PRKAR1B: variants seen among roughly 807,000 people sequenced by gnomAD.
PRKAR1B encodes the protein cAMP-dependent protein kinase type I-beta regulatory subunit.
In PRKAR1B, 22 loss-of-function variants were observed where a neutral mutation model predicts 46.5. That is an observed-to-expected ratio of 0.47 (90% CI 0.34 to 0.68). PRKAR1B has a LOEUF of 0.68. Ranked by LOEUF, PRKAR1B falls within the 30% of genes least tolerant of loss-of-function variation. The probability of loss-of-function intolerance (pLI) is 0.01; values close to 1 mark genes in which losing one functional copy is unlikely to be tolerated. For missense variants in PRKAR1B, 445 were observed against 535.6 expected, an observed-to-expected ratio of 0.83 and a Z score of 1.67; for synonymous variants, 259 against 217.7, an observed-to-expected ratio of 1.19 and a Z score of -1.67.
chr7:701,438 G>A (rs141900841), intron 2 of PRKAR1B, among the ~76,000 whole-genome samples: 130 of 152,138 alleles, frequency 8.5e-4, no homozygotes, highest in African/African-American at 3.0e-3. Flanking sequence ...CTGAAAGACA[G>A]GAAAAAGAGA....
chr7:573,830 C>T (rs560651656), intron 9 of PRKAR1B, among the ~76,000 whole-genome samples: 108 of 152,246 alleles, frequency 7.1e-4, no homozygotes, highest in African/African-American at 2.5e-3. Context: ...CTCCCAGCTG[C>T]GGGAGGCAGC....
intron 4 of PRKAR1B, among the ~76,000 whole-genome samples, chr7:614,419 TACTGCCCC>T (rs1446678452): frequency 6.6e-6 from 1 of 152,104 alleles, no homozygotes; most frequent in East Asian, 1.9e-4. Flanking sequence ...CAGGCCCCAT[TACTGCCCC>T]ACTTCACAGA....
chr7:623,153 G>T (rs959080986), intron 4 of PRKAR1B, among the ~76,000 whole-genome samples: 1 of 152,212 alleles, frequency 6.6e-6, no homozygotes, highest in Non-Finnish European at 1.5e-5. Context: ...GTGAAGGCTT[G>T]TTCCGTGACT....
intron 9 of PRKAR1B, among the ~76,000 whole-genome samples, chr7:562,513 C>A (rs142503121): frequency 1.3e-5 from 2 of 152,298 alleles, no homozygotes; most frequent in South Asian, 4.1e-4. Context: ...AGGATTCTGC[C>A]CCCTGCAGAG....
rs568467996 is a variant in PRKAR1B, at chr7:583,707, C to T, written c.769+801G>A. ...CACGGTGCACTCACACCCTCACACA[C>T]GTGCAATTCACACGCATTCTACACA... On this transcript the variant is annotated intron_variant, in intron 8 of 10. Transcript: ENST00000537384. 2.6e-5 allele frequency among the ~76,000 whole-genome samples: 4 copies of T among 150,944 alleles called. No homozygotes were observed. The East Asian group carries it at 5.9e-4, about 22-fold the overall frequency.
intron 2 of PRKAR1B, among the ~76,000 whole-genome samples, chr7:692,085 C>G (rs987907441): frequency 6.6e-6 from 1 of 152,230 alleles, no homozygotes; most frequent in Non-Finnish European, 1.5e-5. Flanking sequence ...TGCTCCTACA[C>G]AAACCAGGAG....
At chr7:632,921 G>A (rs890749949) in intron 4 of PRKAR1B, among the ~76,000 whole-genome samples, 4 of 152,220 alleles carry the variant, frequency 2.6e-5, no homozygotes, top group Non-Finnish European at 4.4e-5. Flanking sequence ...CACAGTGCCT[G>A]TCCGGGAAGC....
chr7:551,779 G>C (rs1291551295), intron 9 of PRKAR1B, among the ~76,000 whole-genome samples: 2 of 105,760 alleles, frequency 1.9e-5, no homozygotes, highest in Non-Finnish European at 3.9e-5. Context: ...TCCTTCCCTC[G>C]GAGCCACTGC....
chr7:714,951 C>T lies in PRKAR1B; in HGVS notation c.-22-3424G>A, dbSNP rs557401541. ...CTGTAATCCCAGCACTTTGGGAGGCCGAGGCAGGTGGGTCACTGGAGGTCA... is the reference window on the plus strand; with the variant it reads ...CTGTAATCCCAGCACTTTGGGAGGCTGAGGCAGGTGGGTCACTGGAGGTCA... On this transcript the variant is annotated intron_variant, in intron 1 of 10. Coordinates refer to ENST00000537384, the MANE Select transcript of PRKAR1B (RefSeq NM_001164760.2). The surrounding 1 kb of genome is among the most constrained non-coding windows in gnomAD (Gnocchi z 4.3). 5.3e-5 allele frequency among the ~76,000 whole-genome samples: 8 copies of T among 152,174 alleles called. No homozygotes were observed. Among genetic ancestry groups the T allele is most frequent in the South Asian group, 4.2e-4 (2 of 4,802 alleles).
intron 4 of PRKAR1B, among the ~76,000 whole-genome samples, chr7:639,255 T>C (rs1460473121): frequency 3.9e-5 from 6 of 152,164 alleles, no homozygotes; most frequent in Admixed American, 3.9e-4. Context: ...AACGGATTTG[T>C]ACTGAGAGGC....
At chr7:621,688 T>G (rs981452080) in intron 4 of PRKAR1B, among the ~76,000 whole-genome samples, 1 of 152,250 alleles carries the variant, frequency 6.6e-6, no homozygotes, top group African/African-American at 2.4e-5. Flanking sequence ...CCATGACAGA[T>G]GCTTCCTGGC....
chr7:696,740 GA>G (rs1779762942), intron 2 of PRKAR1B: 1 of 152,416 alleles, frequency 6.6e-6, no homozygotes, highest in Admixed American at 6.5e-5. Flanking sequence ...TCTCTTGGCT[GA>G]AAGAGCTTTG....
chr7:582,214 T>G (rs1780226476), intron 8 of PRKAR1B, among the ~76,000 whole-genome samples: 1 of 152,266 alleles, frequency 6.6e-6, no homozygotes, highest in Non-Finnish European at 1.5e-5. Context: ...GACTTGCAGC[T>G]CCCATGTGGG....
At chr7:587,968 T>C (rs542226891) in intron 7 of PRKAR1B, among the ~76,000 whole-genome samples, 1 of 152,354 alleles carries the variant, frequency 6.6e-6, no homozygotes, top group South Asian at 2.1e-4. Flanking sequence ...CAGTGACTTG[T>C]GTGGGGCTCA....
chr7:557,980 G>T (rs1043341510), intron 9 of PRKAR1B, among the ~76,000 whole-genome samples: 2 of 152,070 alleles, frequency 1.3e-5, no homozygotes, highest in East Asian at 1.9e-4. Context: ...AATCACAAAG[G>T]ATTCATTTTC....
chr7:619,091 C>T (rs1473601918), intron 4 of PRKAR1B, among the ~76,000 whole-genome samples: 1 of 152,176 alleles, frequency 6.6e-6, no homozygotes, highest in African/African-American at 2.4e-5. Flanking sequence ...AGGGTTGGCC[C>T]TAACTCAATA....
chr7:588,679 C>CGGTGGT (rs1481262848), intron 7 of PRKAR1B, among the ~76,000 whole-genome samples: 4 of 23,356 alleles, frequency 1.7e-4, no homozygotes, highest in Non-Finnish European at 4.0e-4. Context: ...GTGGTGATGA[C>CGGTGGT]GATGATGGTG....
chr7:687,234 G>T (rs1454405639), intron 2 of PRKAR1B, among the ~76,000 whole-genome samples: 1 of 152,172 alleles, frequency 6.6e-6, no homozygotes, highest in Non-Finnish European at 1.5e-5. Context: ...AAACCCAGGA[G>T]AAGCAAAAGA....
intron 2 of PRKAR1B, among the ~76,000 whole-genome samples, chr7:681,029 G>A (rs750736970): frequency 2.0e-5 from 3 of 152,096 alleles, no homozygotes; most frequent in Non-Finnish European, 4.4e-5. Flanking sequence ...AGGTGGAGGC[G>A]ACTGAATCAT....
Sources: gnomAD v4.1 joint callset for allele counts (sites outside exome capture counted in the v4.1 genomes callset) on GRCh38, gnomAD v4.1.1 for gene constraint, Gnocchi (gnomAD v3.1) non-coding constraint, MANE v1.5 for transcripts, NCBI Gene and HGNC (gene_info 2026-07-23, HGNC 2026-07-21) for gene names.